BABAM2: variants seen among roughly 807,000 people sequenced by gnomAD.
BABAM2 encodes BRISC and BRCA1 A complex member 2.
Under a neutral mutation model 54.7 loss-of-function variants are expected in BABAM2, and 31 were observed. The observed-to-expected ratio is 0.57, with a 90% CI of 0.43 to 0.77. The LOEUF (loss-of-function observed/expected upper bound fraction) is 0.77. BABAM2 is among the 30% of genes least tolerant of loss of function. The pLI is 0.00. For synonymous variants in BABAM2, 167 were observed against 162.9 expected (o/e 1.03, Z -0.19); for missense variants, 364 against 455.8 (o/e 0.80, Z 1.83).
At chr2:28,212,908 AAGGTGCT>A (rs757177440) in intron 7 of BABAM2, among the ~76,000 whole-genome samples, 21 of 152,274 alleles carry the variant, frequency 1.4e-4, no homozygotes, top group Admixed American at 2.0e-4. Flanking sequence ...GGCTTACCAA[AAGGTGCT>A]AGGCAATTAT....
At chr2:28,251,548 A>T (rs1317491470) in intron 10 of BABAM2, among the ~76,000 whole-genome samples, 2 of 152,178 alleles carry the variant, frequency 1.3e-5, no homozygotes, top group Non-Finnish European at 2.9e-5. Flanking sequence ...TCAGTTCCTG[A>T]GCTAAGCGAG....
intron 11 of BABAM2, among the ~76,000 whole-genome samples, chr2:28,314,830 T>A (rs1032465691): frequency 5.9e-5 from 9 of 151,924 alleles, no homozygotes; most frequent in South Asian, 4.2e-4. Flanking sequence ...TAGGATTTGA[T>A]GTGCAGAGAG....
chr2:28,289,322 C>G (rs900232973), intron 10 of BABAM2, among the ~76,000 whole-genome samples: 35 of 152,116 alleles, frequency 2.3e-4, no homozygotes, highest in Non-Finnish European at 1.9e-4. Flanking sequence ...TGGAATCATA[C>G]TGATTTCTGC....
intron 3 of BABAM2, among the ~76,000 whole-genome samples, chr2:27,984,418 T>G (rs1249578482): frequency 1.3e-5 from 2 of 152,142 alleles, no homozygotes; most frequent in East Asian, 3.9e-4. Flanking sequence ...CTTGAGTTAA[T>G]GCCTTATAGT....
At chr2:28,022,782 C>T (rs571434096) in intron 4 of BABAM2, among the ~76,000 whole-genome samples, 1 of 152,304 alleles carries the variant, frequency 6.6e-6, no homozygotes, top group Admixed American at 6.5e-5. Flanking sequence ...GCCTCCTCCT[C>T]CTCTTTCCCT....
At chr2:27,965,868 C>T (rs1670803542) in intron 3 of BABAM2, among the ~76,000 whole-genome samples, 2 of 151,214 alleles carry the variant, frequency 1.3e-5, no homozygotes, top group Admixed American at 1.3e-4. Flanking sequence ...TCTTCATATT[C>T]TTCTTCTCTT....
chr2:27,999,581 C>T (rs1045609181), intron 4 of BABAM2, among the ~76,000 whole-genome samples: 5 of 152,352 alleles, frequency 3.3e-5, no homozygotes, highest in African/African-American at 1.2e-4. Context: ...AAAACTTCCA[C>T]AGCCTTAGGT....
intron 6 of BABAM2, among the ~76,000 whole-genome samples, chr2:28,077,540 A>G (rs1252251064): frequency 6.6e-6 from 1 of 152,194 alleles, no homozygotes; most frequent in Admixed American, 6.5e-5. Context: ...AAACCCAAAT[A>G]AATATTATTT....
intron 6 of BABAM2, among the ~76,000 whole-genome samples, chr2:28,120,570 A>G (rs1264878438): frequency 1.3e-5 from 2 of 152,204 alleles, no homozygotes; most frequent in Non-Finnish European, 2.9e-5. Flanking sequence ...TTCCTACCTT[A>G]CACAGTTGTT....
At chr2:28,139,522 T>C (rs1202909289) in intron 7 of BABAM2, among the ~76,000 whole-genome samples, 1 of 150,128 alleles carries the variant, frequency 6.7e-6, no homozygotes, top group Non-Finnish European at 1.5e-5. Context: ...TGAGCTTAGA[T>C]TGCACCACTG....
chr2:28,278,875 T>G (rs1243107390), intron 10 of BABAM2, among the ~76,000 whole-genome samples: 1 of 152,144 alleles, frequency 6.6e-6, no homozygotes. Flanking sequence ...GAAAAGCATT[T>G]GCTTCAGTAA....
At chr2:28,126,265 G>A (rs1421705421) in intron 6 of BABAM2, among the ~76,000 whole-genome samples, 6 of 149,518 alleles carry the variant, frequency 4.0e-5, no homozygotes, top group Admixed American at 1.3e-4. Context: ...TTAGCATTAC[G>A]TATATCTCCT....
intron 3 of BABAM2, among the ~76,000 whole-genome samples, chr2:27,974,566 C>A (rs1671457901): frequency 6.6e-6 from 1 of 152,004 alleles, no homozygotes; most frequent in South Asian, 2.1e-4. Flanking sequence ...ATAATAAATA[C>A]TCTTAGCTAA....
intron 8 of BABAM2, among the ~76,000 whole-genome samples, chr2:28,240,854 G>A (rs1327821847): frequency 1.5e-5 from 2 of 134,940 alleles, no homozygotes; most frequent in Admixed American, 8.1e-5. Context: ...TGGGCAACAA[G>A]AGCGAGACTC....
chr2:27,919,902 A>T (rs1667227838), intron 2 of BABAM2, among the ~76,000 whole-genome samples: 1 of 152,222 alleles, frequency 6.6e-6, no homozygotes, highest in Non-Finnish European at 1.5e-5. Flanking sequence ...TGAGAATAAC[A>T]GTTGACGCCA....
intron 7 of BABAM2, among the ~76,000 whole-genome samples, chr2:28,220,176 G>A (rs1033880693): frequency 2.6e-5 from 4 of 152,194 alleles, no homozygotes; most frequent in Admixed American, 6.5e-5. Context: ...AGTGTGTAGC[G>A]CAGCAGCGGA....
intron 11 of BABAM2, among the ~76,000 whole-genome samples, chr2:28,319,616 C>T (rs1320168195): frequency 6.6e-6 from 1 of 152,252 alleles, no homozygotes; most frequent in Non-Finnish European, 1.5e-5. Flanking sequence ...TCATCCCTGT[C>T]TCCTTCAGCA....
At chr2:28,192,724 A>G (rs1480085199) in intron 7 of BABAM2, among the ~76,000 whole-genome samples, 2 of 151,466 alleles carry the variant, frequency 1.3e-5, no homozygotes, top group Admixed American at 6.6e-5. Context: ...GGGTTTCACC[A>G]TGTTGGCCAG....
intron 10 of BABAM2, among the ~76,000 whole-genome samples, chr2:28,292,495 G>A (rs568486524): frequency 1.8e-4 from 28 of 152,318 alleles, no homozygotes; most frequent in Admixed American, 1.3e-3. Context: ...TTGACTGCAC[G>A]TATCAGAAGA....
Sources: allele counts gnomAD v4.1 joint callset (sites outside exome capture counted in the v4.1 genomes callset), GRCh38; gene constraint gnomAD v4.1.1; transcripts MANE v1.5; gene names NCBI Gene and HGNC (gene_info 2026-07-23, HGNC 2026-07-21).